The following ERBB4 variants were observed in gnomAD, a reference collection of about 807,000 sequenced individuals.
ERBB4 encodes the protein receptor tyrosine-protein kinase erbB-4.
Under a neutral mutation model 158.0 loss-of-function variants are expected in ERBB4, and 42 were observed. That is an observed-to-expected ratio of 0.27 (90% confidence interval 0.21 to 0.34). The LOEUF is 0.34. Ranked by LOEUF, ERBB4 falls within the 10% of genes least tolerant of loss-of-function variation. The pLI is 1.00. For synonymous variants in ERBB4, 583 were observed against 558.7 expected (o/e 1.04, Z -0.61); for missense variants, 1,333 against 1,624.1 (o/e 0.82, Z 3.08).
intron 5 of ERBB4, among the ~76,000 whole-genome samples, chr2:211,745,723 ACAAAAACAAAAC>A (rs1429958200): frequency 2.2e-5 from 3 of 134,354 alleles, no homozygotes; most frequent in East Asian, 4.6e-4. Context: ...CAGAAAAAAA[ACAAAAACAAAAC>A]AAAAAAAACC....
At chr2:211,920,033 T>A (rs2079815411) in intron 3 of ERBB4, among the ~76,000 whole-genome samples, 1 of 152,022 alleles carries the variant, frequency 6.6e-6, no homozygotes, top group Admixed American at 6.6e-5. Context: ...AAATTACAAC[T>A]TTGTTTTAAG....
At chr2:212,400,782 ATAATT>A (rs1263959247) in intron 1 of ERBB4, among the ~76,000 whole-genome samples, 2 of 152,172 alleles carry the variant, frequency 1.3e-5, no homozygotes, top group Non-Finnish European at 1.5e-5. Flanking sequence ...TATTTGAACA[ATAATT>A]TACCCACTCT....
intron 20 of ERBB4, among the ~76,000 whole-genome samples, chr2:211,517,247 T>C (rs902222303): frequency 2.0e-5 from 3 of 152,142 alleles, no homozygotes; most frequent in Non-Finnish European, 2.9e-5. Context: ...GTTTCTTTAA[T>C]ATAAAATAAG....
At chr2:211,815,832 G>C (rs181772682) in intron 3 of ERBB4, among the ~76,000 whole-genome samples, 3 of 152,290 alleles carry the variant, frequency 2.0e-5, no homozygotes, top group African/African-American at 4.8e-5. Context: ...AGCAGAAGAA[G>C]GGGGATAAGC....
Position 211,383,242 on chromosome 2 carries a change from TAA to T in ERBB4, c.*371_*372del, listed in dbSNP as rs878944435. Reference sequence around the variant, plus strand: ...GCATGGGTGTTTCAACCATCTGCTTTAAAAAAAAAAAAAAAAAAGAAGAGGAA... The same window carrying T: ...GCATGGGTGTTTCAACCATCTGCTTTAAAAAAAAAAAAAAAAGAAGAGGAA... On this transcript the variant is annotated 3_prime_UTR_variant, in exon 28 of 28. Coordinates refer to ENST00000342788, the MANE Select transcript of ERBB4 (RefSeq NM_005235.3). 0.03 allele frequency: 6,382 copies of T among 210,758 alleles called. No individual in the cohort carries two copies. Among genetic ancestry groups the T allele is most frequent in the South Asian group, 0.057 (519 of 9,154 alleles). The allele number at this position is 210,758 out of a possible 1,614,324, so 13.1% of individuals were successfully genotyped here.
intron 3 of ERBB4, among the ~76,000 whole-genome samples, chr2:211,946,906 T>C (rs1321978292): frequency 6.6e-6 from 1 of 152,080 alleles, no homozygotes; most frequent in East Asian, 1.9e-4. Flanking sequence ...ACTCTGATGA[T>C]CTGATGTTAT....
chr2:211,392,558 C>CACA (rs1553519706), intron 25 of ERBB4, among the ~76,000 whole-genome samples: 14 of 141,012 alleles, frequency 9.9e-5, no homozygotes, highest in African/African-American at 3.4e-4. Context: ...CTCTCTTACT[C>CACA]CACACACACA....
At chr2:211,625,071 A>AG (rs1466684531) in intron 17 of ERBB4, among the ~76,000 whole-genome samples, 13 of 152,010 alleles carry the variant, frequency 8.6e-5, no homozygotes, top group Non-Finnish European at 5.9e-5. Context: ...GGCATATGTG[A>AG]GAAAAAAAAA....
At chr2:211,808,967 AC>A (rs1559536926) in intron 3 of ERBB4, among the ~76,000 whole-genome samples, 1 of 152,272 alleles carries the variant, frequency 6.6e-6, no homozygotes, top group East Asian at 1.9e-4. Context: ...TGATATTTGC[AC>A]ATTGATTTTG....
chr2:212,049,794 A>C (rs946251175), intron 2 of ERBB4, among the ~76,000 whole-genome samples: 2 of 152,140 alleles, frequency 1.3e-5, no homozygotes, highest in Non-Finnish European at 2.9e-5. Flanking sequence ...CTCTCAAGTG[A>C]CTCCAGTGAG....
intron 2 of ERBB4, among the ~76,000 whole-genome samples, chr2:212,102,503 A>G (rs2079113668): frequency 6.6e-6 from 1 of 152,120 alleles, no homozygotes; most frequent in Non-Finnish European, 1.5e-5. Context: ...TCTCTTTTCA[A>G]AGGGAGGATT....
intron 20 of ERBB4, among the ~76,000 whole-genome samples, chr2:211,513,841 GGATTAAAAAATT>G (rs1025194325): frequency 4.0e-5 from 6 of 151,660 alleles, no homozygotes; most frequent in Non-Finnish European, 5.9e-5. Context: ...TTTTTGGGGG[GGATTAAAAAATT>G]GATTAAAAAA....
intron 19 of ERBB4, among the ~76,000 whole-genome samples, chr2:211,600,306 T>C (rs969542864): frequency 1.3e-5 from 2 of 152,018 alleles, no homozygotes; most frequent in Admixed American, 6.6e-5. Context: ...GGTTTTAAGG[T>C]CGTAAAAAGA....
chr2:211,899,329 A>C (rs895756012), intron 3 of ERBB4, among the ~76,000 whole-genome samples: 8 of 152,126 alleles, frequency 5.3e-5, no homozygotes, highest in African/African-American at 1.9e-4. Context: ...TCTCTACGGC[A>C]TTAGTAAACT....
At chr2:212,391,565 A>C (rs1408157637) in intron 1 of ERBB4, among the ~76,000 whole-genome samples, 1 of 146,412 alleles carries the variant, frequency 6.8e-6, no homozygotes, top group African/African-American at 2.6e-5. Flanking sequence ...AGCACTGTCT[A>C]TAAAATTATG....
chr2:211,828,425 A>AAT lies in ERBB4; in HGVS notation c.422-40267_422-40266insAT, dbSNP rs1559553157. Among the ~76,000 whole-genome samples, 3 of 152,260 alleles carry AAT rather than the reference A, an allele frequency of 2.0e-5. No homozygotes were observed. The East Asian group carries it at 5.8e-4, about 29-fold the overall frequency. ...CAAATTTTCTTCCAGAGCCTGTGGC[A>AAT]TGCCTCCACATCTGTGATCTGTGTC... On this transcript the variant is annotated intron_variant, in intron 3 of 27. Coordinates refer to ENST00000342788, the MANE Select transcript of ERBB4 (RefSeq NM_005235.3).
rs71054136 is a variant in ERBB4 at position 211,721,443 on chromosome 2, C to CAAAAAAAAAAAAAAAAAAAAAAAA, written c.883+949_883+950insTTTTTTTTTTTTTTTTTTTTTTTT. On this transcript the variant is annotated intron_variant, in intron 7 of 27. Coordinates refer to ENST00000342788, the MANE Select transcript of ERBB4 (RefSeq NM_005235.3). Reference sequence around the variant, plus strand: ...GAAATGTCCCATTGGTTACTCAAAGCAAAAAAAAAAAAAAAAAAAAAATAG... The same window carrying CAAAAAAAAAAAAAAAAAAAAAAAA: ...GAAATGTCCCATTGGTTACTCAAAGCAAAAAAAAAAAAAAAAAAAAAAAAAAAAAAAAAAAAAAAAAAAAAATAG... Among the ~76,000 whole-genome samples the CAAAAAAAAAAAAAAAAAAAAAAAA allele has an allele frequency of 1.7e-4, 9 of 54,500 alleles. 2 individuals are homozygous for CAAAAAAAAAAAAAAAAAAAAAAAA. Among genetic ancestry groups the CAAAAAAAAAAAAAAAAAAAAAAAA allele is most frequent in the African/African-American group, 1.9e-4 (2 of 10,534 alleles). 35.8% of individuals were successfully genotyped at this position (54,500 alleles called of 152,430 possible). A position where few individuals can be genotyped will look rare whatever the true frequency, so the allele number is the denominator to read the frequency against.
At position 211,993,615 on chromosome 2, in the gene ERBB4, T is replaced by C. The variant is rs1279287317; in HGVS notation, c.235-45999A>G. The stretch of plus-strand genomic sequence containing the variant: ...TCCTAGATAAGATATATTTTTCTAA[T>C]GTACTAAAGAAAATTAAAAAAAAAC... On this transcript the variant is annotated intron_variant, in intron 2 of 27. Coordinates refer to ENST00000342788, the MANE Select transcript of ERBB4 (RefSeq NM_005235.3). Among the ~76,000 whole-genome samples, 7 of 151,582 alleles carry C rather than the reference T, an allele frequency of 4.6e-5. No homozygotes were observed. The South Asian group carries it at 1.5e-3, about 32-fold the overall frequency.
chr2:211,957,335 G>T (rs2081062126), intron 2 of ERBB4, among the ~76,000 whole-genome samples: 1 of 152,042 alleles, frequency 6.6e-6, no homozygotes, highest in Non-Finnish European at 1.5e-5. Flanking sequence ...AACACAGAGA[G>T]AAGTTGGTCA....
Sources: gnomAD v4.1 joint callset for allele counts (sites outside exome capture counted in the v4.1 genomes callset) on GRCh38, gnomAD v4.1.1 for gene constraint, MANE v1.5 for transcripts, NCBI Gene and HGNC (gene_info 2026-07-23, HGNC 2026-07-21) for gene names.